The following CNTN5 variants were observed in gnomAD, a reference collection of about 807,000 sequenced individuals.
The protein encoded by CNTN5 is contactin 5.
A neutral mutation model predicts 129.1 loss-of-function variants in CNTN5; 77 were observed. The observed-to-expected ratio is 0.60, with a 90% CI of 0.50 to 0.72. The LOEUF is 0.72. Ranked by LOEUF, CNTN5 falls within the 30% of genes least tolerant of loss-of-function variation. The probability of loss-of-function intolerance (pLI) is 0.00; values close to 1 mark genes in which losing one functional copy is unlikely to be tolerated. For missense variants in CNTN5, 1,478 were observed against 1,328.8 expected (o/e 1.11, Z -1.75); for synonymous variants, 509 against 465.6 (o/e 1.09, Z -1.20).
At chr11:99,530,639 C>T in intron 2 of CNTN5, among the ~76,000 whole-genome samples, 1 of 152,188 alleles carries the variant, frequency 6.6e-6, no homozygotes, top group East Asian at 1.9e-4. Context: ...AATTGTATCT[C>T]CCAGGATTCT....
At chr11:99,074,021 C>T (rs1865457434) in intron 1 of CNTN5, among the ~76,000 whole-genome samples, 1 of 152,164 alleles carries the variant, frequency 6.6e-6, no homozygotes, top group Non-Finnish European at 1.5e-5. Flanking sequence ...AGTTTCTCCA[C>T]AACCTCATCA....
chr11:99,226,792 C>T (rs1860710370), intron 1 of CNTN5, among the ~76,000 whole-genome samples: 1 of 152,100 alleles, frequency 6.6e-6, no homozygotes, highest in South Asian at 2.1e-4. Context: ...TAAGGGTGCT[C>T]AATAGATTTT....
At chr11:99,158,154 CCTCT>C (rs759092667) in intron 1 of CNTN5, among the ~76,000 whole-genome samples, 17 of 152,048 alleles carry the variant, frequency 1.1e-4, no homozygotes, top group Non-Finnish European at 2.1e-4. Context: ...GTCCACCTCA[CCTCT>C]CTCTCCAATT....
At chr11:99,549,211 TGTAA>T (rs1948400893) in intron 2 of CNTN5, among the ~76,000 whole-genome samples, 1 of 152,172 alleles carries the variant, frequency 6.6e-6, no homozygotes, top group Admixed American at 6.5e-5. Context: ...TTTCTTTTCC[TGTAA>T]GTGACATGAC....
intron 1 of CNTN5, among the ~76,000 whole-genome samples, chr11:99,284,954 A>G (rs1013706794): frequency 6.6e-6 from 1 of 152,126 alleles, no homozygotes; most frequent in Non-Finnish European, 1.5e-5. Context: ...TTCATCGTTA[A>G]AAATATATCG....
intron 3 of CNTN5, among the ~76,000 whole-genome samples, chr11:99,600,993 CCTT>C: frequency 6.6e-6 from 1 of 152,264 alleles, no homozygotes; most frequent in East Asian, 1.9e-4. Flanking sequence ...ACCCTTCTCT[CCTT>C]GTTTTGTCTT....
At position 100,071,710 on chromosome 11, in the gene CNTN5, G is replaced by T. The variant is rs995784320; in HGVS notation, c.1305G>T (p.Arg435Ser). Reference sequence around the variant, plus strand: ...TTTTTTTAATTCCATTACAGAGTAGGGTTGAGATGGTTAATGGAGTATTGA... The same window carrying T: ...TTTTTTTAATTCCATTACAGAGTAGTGTTGAGATGGTTAATGGAGTATTGA... ...KNGVPLSPQSRVEMVNGVLMI... is the reference protein window; with the variant it reads ...KNGVPLSPQSSVEMVNGVLMI... The change falls in exon 12 of 25, where the codon AGG (arginine) becomes AGT (serine). Residue 435 changes from arginine to serine, a missense_variant. Arg to Ser is a moderately radical substitution (Grantham distance 110). Coordinates refer to ENST00000524871, the MANE Select transcript of CNTN5 (RefSeq NM_014361.4). The T allele has an allele frequency of 1.3e-6, 2 of 1,579,988 alleles. No homozygotes were observed. Among genetic ancestry groups the T allele is most frequent in the Non-Finnish European group, 1.7e-6 (2 of 1,162,142 alleles).
At chr11:99,030,817 G>A (rs1272303034) in intron 1 of CNTN5, among the ~76,000 whole-genome samples, 1 of 124,074 alleles carries the variant, frequency 8.1e-6, no homozygotes, top group East Asian at 2.3e-4. Context: ...ATCTCGCTCT[G>A]TCGCCCAGGC....
intron 1 of CNTN5, among the ~76,000 whole-genome samples, chr11:99,218,032 A>C (rs529125350): frequency 6.6e-6 from 1 of 152,100 alleles, no homozygotes; most frequent in Non-Finnish European, 1.5e-5. Flanking sequence ...AAAAGATTAC[A>C]TTTATTTTCT....
At chr11:100,020,711 T>G (rs1344357629) in intron 9 of CNTN5, among the ~76,000 whole-genome samples, 1 of 152,062 alleles carries the variant, frequency 6.6e-6, no homozygotes, top group East Asian at 1.9e-4. Context: ...TTAGAACCAA[T>G]AAACAAATTC....
chr11:99,343,942 T>C (rs1866637013), intron 2 of CNTN5, among the ~76,000 whole-genome samples: 1 of 152,216 alleles, frequency 6.6e-6, no homozygotes, highest in African/African-American at 2.4e-5. Flanking sequence ...TAAAATGTCA[T>C]TTCAAGAAAA....
chr11:99,227,626 C>A (rs2135719092), intron 1 of CNTN5, among the ~76,000 whole-genome samples: 1 of 152,190 alleles, frequency 6.6e-6, no homozygotes, highest in Non-Finnish European at 1.5e-5. Context: ...GAGGAAAACT[C>A]TTTTGTCCTT....
chr11:99,065,696 C>G (rs984720158), intron 1 of CNTN5, among the ~76,000 whole-genome samples: 1 of 151,508 alleles, frequency 6.6e-6, no homozygotes, highest in African/African-American at 2.4e-5. Flanking sequence ...GAAACCATAC[C>G]ACCTACACAT....
intron 3 of CNTN5, among the ~76,000 whole-genome samples, chr11:99,801,280 A>G (rs1247630942): frequency 6.6e-6 from 1 of 152,120 alleles, no homozygotes; most frequent in Non-Finnish European, 1.5e-5. Flanking sequence ...CTGGCTTGTA[A>G]TGTTTCTGCT....
chr11:99,726,414 C>T (rs1943340643), intron 3 of CNTN5, among the ~76,000 whole-genome samples: 1 of 152,154 alleles, frequency 6.6e-6, no homozygotes, highest in South Asian at 2.1e-4. Flanking sequence ...CATTTAGTGT[C>T]TGAAGCAAGG....
chr11:99,048,716 G>C (rs567563058), intron 1 of CNTN5, among the ~76,000 whole-genome samples: 32 of 152,158 alleles, frequency 2.1e-4, no homozygotes, highest in African/African-American at 7.2e-4. Flanking sequence ...ACTAATGAGG[G>C]GTACACCACG....
At chr11:99,233,357 C>G (rs917936309) in intron 1 of CNTN5, among the ~76,000 whole-genome samples, 1 of 152,106 alleles carries the variant, frequency 6.6e-6, no homozygotes, top group Admixed American at 6.6e-5. Context: ...ACAACAACAA[C>G]TAATAAATGA....
At chr11:99,687,699 C>T (rs1292178997) in intron 3 of CNTN5, among the ~76,000 whole-genome samples, 1 of 152,158 alleles carries the variant, frequency 6.6e-6, no homozygotes, top group African/African-American at 2.4e-5. Context: ...ACTAGAGACA[C>T]AGATTATAGG....
chr11:99,273,003 G>A (rs1863246556), intron 1 of CNTN5, among the ~76,000 whole-genome samples: 1 of 151,888 alleles, frequency 6.6e-6, no homozygotes, highest in African/African-American at 2.4e-5. Context: ...GACACTGAAA[G>A]CCTGTCTAAA....
Sources: gnomAD v4.1 joint callset for allele counts (sites outside exome capture counted in the v4.1 genomes callset) on GRCh38, gnomAD v4.1.1 for gene constraint, MANE v1.5 for transcripts, NCBI Gene and HGNC (gene_info 2026-07-23, HGNC 2026-07-21) for gene names.